GULP1: variants seen among roughly 807,000 people sequenced by gnomAD.
GULP1 encodes the protein PTB domain-containing engulfment adapter protein 1.
GULP1 carries 19 observed loss-of-function variants against 40.9 expected under a neutral mutation model. That is an observed-to-expected ratio of 0.46 (90% CI 0.32 to 0.68). GULP1 has a LOEUF of 0.68. Ranked by LOEUF, GULP1 falls within the 30% of genes least tolerant of loss-of-function variation. The pLI is 0.03. For missense variants in GULP1, 312 were observed against 362.2 expected, an observed-to-expected ratio of 0.86 and a Z score of 1.12; for synonymous variants, 119 against 117.6, an observed-to-expected ratio of 1.01 and a Z score of -0.08.
intron 1 of GULP1, among the ~76,000 whole-genome samples, chr2:188,373,763 G>C (rs1376503429): frequency 6.6e-6 from 1 of 151,836 alleles, no homozygotes; most frequent in Non-Finnish European, 1.5e-5. Flanking sequence ...ATACTATTAA[G>C]CTTCCAGTGA....
chr2:188,509,480 T>C (rs1420798705), intron 4 of GULP1, among the ~76,000 whole-genome samples: 1 of 152,098 alleles, frequency 6.6e-6, no homozygotes, highest in Non-Finnish European at 1.5e-5. Flanking sequence ...TTCAGGAGTA[T>C]CATTAGCCCA....
chr2:188,360,801 T>G (rs190619373), intron 1 of GULP1, among the ~76,000 whole-genome samples: 1 of 152,232 alleles, frequency 6.6e-6, no homozygotes, highest in African/African-American at 2.4e-5. Context: ...TTTAGAAATT[T>G]TATTGTGAAG....
intron 1 of GULP1, among the ~76,000 whole-genome samples, chr2:188,350,427 A>G (rs1038711369): frequency 2.0e-5 from 3 of 151,916 alleles, no homozygotes; most frequent in Non-Finnish European, 4.4e-5. Context: ...CATTTATTTT[A>G]TGTAGTTTCT....
At chr2:188,399,914 A>T (rs922149623) in intron 2 of GULP1, among the ~76,000 whole-genome samples, 2 of 152,172 alleles carry the variant, frequency 1.3e-5, no homozygotes, top group Non-Finnish European at 2.9e-5. Context: ...TGAGCATAAC[A>T]TTATAAACAA....
chr2:188,323,668 G>GAC (rs1214381021), intron 1 of GULP1, among the ~76,000 whole-genome samples: 85 of 111,288 alleles, frequency 7.6e-4, no homozygotes, highest in Non-Finnish European at 2.0e-4. Context: ...GTGTGTGTGT[G>GAC]TGTGTGTGTG....
At chr2:188,393,406 G>C (rs2050789757) in intron 2 of GULP1, among the ~76,000 whole-genome samples, 1 of 151,540 alleles carries the variant, frequency 6.6e-6, no homozygotes, top group Non-Finnish European at 1.5e-5. Flanking sequence ...GCTTGATTTT[G>C]GTTCCCATTT....
At chr2:188,569,626 A>T (rs1698600673) in intron 8 of GULP1, 1 of 410,122 alleles carries the variant, frequency 2.4e-6, no homozygotes, top group African/African-American at 2.1e-5. Context: ...TCAGAGCAGC[A>T]GAAGCAGCAG....
intron 7 of GULP1, among the ~76,000 whole-genome samples, chr2:188,564,854 A>G (rs1697259830): frequency 6.6e-6 from 1 of 151,998 alleles, no homozygotes; most frequent in Admixed American, 6.5e-5. Flanking sequence ...TTAATGTAAT[A>G]ATAATAAATG....
At chr2:188,334,625 A>G (rs1212645153) in intron 1 of GULP1, among the ~76,000 whole-genome samples, 3 of 152,210 alleles carry the variant, frequency 2.0e-5, no homozygotes, top group African/African-American at 7.2e-5. Flanking sequence ...TCCCTCGCTC[A>G]GCAGCATTTG....
At chr2:188,490,324 T>G (rs2062246337) in intron 4 of GULP1, among the ~76,000 whole-genome samples, 1 of 152,146 alleles carries the variant, frequency 6.6e-6, no homozygotes, top group Admixed American at 6.6e-5. Context: ...TGTCTATTTA[T>G]TGCGATATAC....
chr2:188,508,647 C>T (rs2064176177), intron 4 of GULP1, among the ~76,000 whole-genome samples: 1 of 151,904 alleles, frequency 6.6e-6, no homozygotes, highest in East Asian at 1.9e-4. Flanking sequence ...GCCAAAGTCA[C>T]CAGCTTCCCA....
intron 2 of GULP1, among the ~76,000 whole-genome samples, chr2:188,426,410 G>A (rs2056204640): frequency 6.6e-6 from 1 of 152,132 alleles, no homozygotes; most frequent in African/African-American, 2.4e-5. Flanking sequence ...ACCTTAAAAG[G>A]TGTGAGACAC....
At chr2:188,400,826 T>C in intron 2 of GULP1, among the ~76,000 whole-genome samples, 1 of 152,154 alleles carries the variant, frequency 6.6e-6, no homozygotes, top group East Asian at 1.9e-4. Context: ...AGACAAAGGA[T>C]GCTAGAGGAA....
At chr2:188,320,331 G>A (rs1318102609) in intron 1 of GULP1, among the ~76,000 whole-genome samples, 1 of 152,128 alleles carries the variant, frequency 6.6e-6, no homozygotes, top group East Asian at 1.9e-4. Flanking sequence ...AAATAGAACA[G>A]TATTGAACCT....
intron 2 of GULP1, among the ~76,000 whole-genome samples, chr2:188,414,154 T>A (rs1575101444): frequency 7.1e-6 from 1 of 140,412 alleles, no homozygotes. Flanking sequence ...GAGGCAGAGG[T>A]AGCAGTGCGC....
intron 3 of GULP1, among the ~76,000 whole-genome samples, chr2:188,481,701 A>G (rs1442838782): frequency 6.6e-6 from 1 of 151,906 alleles, no homozygotes; most frequent in Non-Finnish European, 1.5e-5. Flanking sequence ...CATCATAGTG[A>G]GAGTTTAGTC....
chr2:188,335,222 A>G (rs1478129930), intron 1 of GULP1, among the ~76,000 whole-genome samples: 1 of 152,236 alleles, frequency 6.6e-6, no homozygotes, highest in East Asian at 1.9e-4. Context: ...TGGGGAAAGC[A>G]GAGTAAATTA....
At chr2:188,484,386 T>C (rs544166110) in intron 4 of GULP1, among the ~76,000 whole-genome samples, 1 of 152,318 alleles carries the variant, frequency 6.6e-6, no homozygotes, top group South Asian at 2.1e-4. Flanking sequence ...AGAAAGGTGC[T>C]ATTTTGTAGT....
intron 1 of GULP1, among the ~76,000 whole-genome samples, chr2:188,346,871 T>G (rs1191031342): frequency 6.6e-6 from 1 of 150,410 alleles, no homozygotes; most frequent in Non-Finnish European, 1.5e-5. Context: ...CTCAGGAGGC[T>G]GAGACAGGAG....
Sources: allele counts gnomAD v4.1 joint callset (sites outside exome capture counted in the v4.1 genomes callset), GRCh38; gene constraint gnomAD v4.1.1; transcripts MANE v1.5; gene names NCBI Gene and HGNC (gene_info 2026-07-23, HGNC 2026-07-21).